The following SLC18B1 variants were observed in gnomAD, a reference collection of about 807,000 sequenced individuals.
The protein encoded by SLC18B1 is MFS-type transporter SLC18B1.
In SLC18B1, 62 loss-of-function variants were observed where a neutral mutation model predicts 53.9. The ratio of observed to expected loss-of-function variants is 1.15; its 90% confidence interval spans 0.94 to 1.42. SLC18B1 has a LOEUF of 1.42. SLC18B1 is among the 40% of genes most tolerant of loss of function. The pLI, the probability that SLC18B1 is intolerant of heterozygous loss-of-function variation, is 0.00. For missense variants in SLC18B1, 598 were observed against 547.3 expected (o/e 1.09, Z -0.93); for synonymous variants, 217 against 200.9 (o/e 1.08, Z -0.68).
In SLC18B1 at chr6:132,770,109, A is replaced by G; in HGVS notation, c.*161T>C. The G allele has an allele frequency of 1.8e-6, 1 of 557,320 alleles. No individual in the cohort carries two copies. 34.5% of individuals were successfully genotyped at this position (557,320 alleles called of 1,614,324 possible). Reference sequence around the variant, plus strand: ...AGCTTTTCAGTATCACAGTAAGTACAGCCCAATACAGGATCATCCAAAAAC... The same window carrying G: ...AGCTTTTCAGTATCACAGTAAGTACGGCCCAATACAGGATCATCCAAAAAC... On this transcript the variant is annotated 3_prime_UTR_variant, in exon 14 of 14. Transcript: ENST00000275227.
chr6:132,773,514 T>A (rs1781029202), intron 9 of SLC18B1, among the ~76,000 whole-genome samples: 1 of 152,216 alleles, frequency 6.6e-6, no homozygotes, highest in Admixed American at 6.5e-5. Context: ...AACACATTTG[T>A]TCCATGTGAG....
intron 5 of SLC18B1, 143 bp downstream of exon 5, chr6:132,787,291 G>A: frequency 1.4e-6 from 1 of 703,196 alleles, no homozygotes; most frequent in Non-Finnish European, 2.1e-6. Flanking sequence ...CTTGCTGCTA[G>A]TCAAACTCGG....
At chr6:132,793,236 T>C (rs1781593937) in intron 2 of SLC18B1, among the ~76,000 whole-genome samples, 1 of 152,160 alleles carries the variant, frequency 6.6e-6, no homozygotes, top group Non-Finnish European at 1.5e-5. Context: ...AAAGGCACTG[T>C]TTTTCCTTTG....
chr6:132,785,719 G>A (rs2114675819), intron 5 of SLC18B1, among the ~76,000 whole-genome samples: 1 of 152,122 alleles, frequency 6.6e-6, no homozygotes, highest in Non-Finnish European at 1.5e-5. Flanking sequence ...TTTCCAGAGT[G>A]TTCCACAGAA....
chr6:132,792,225 C>CAAGAAAGAAAGAAAGAAAGAAAGAA (rs553756627), intron 2 of SLC18B1, among the ~76,000 whole-genome samples: 3 of 44,552 alleles, frequency 6.7e-5, no homozygotes, highest in African/African-American at 1.5e-4. Context: ...AAGACACTGT[C>CAAGAAAGAAAGAAAGAAAGAAAGAA]AGAAAGAAAG....
chr6:132,770,131 A>T lies in SLC18B1; in HGVS notation c.*139T>A, dbSNP rs1780930470. 2 of 672,108 alleles carry T rather than the reference A, an allele frequency of 3.0e-6. No homozygotes were observed. The highest frequency in any genetic ancestry group is 5.2e-6 in the Non-Finnish European group (2 of 381,628). 41.6% of individuals were successfully genotyped at this position (672,108 alleles called of 1,614,324 possible). A position where few individuals can be genotyped will look rare whatever the true frequency, so the allele number is the denominator to read the frequency against. ...TACAGCCCAATACAGGATCATCCAA[A>T]AACACGTTGACACTTCCAAGACACT... On this transcript the variant is annotated 3_prime_UTR_variant, in exon 14 of 14. Coordinates refer to ENST00000275227, the MANE Select transcript of SLC18B1 (RefSeq NM_052831.3).
intron 5 of SLC18B1, among the ~76,000 whole-genome samples, chr6:132,786,738 A>G (rs142594861): frequency 6.6e-6 from 1 of 152,208 alleles, no homozygotes; most frequent in Non-Finnish European, 1.5e-5. Flanking sequence ...CATACCGACT[A>G]TGATATGAAG....
At chr6:132,776,294 A>C in intron 8 of SLC18B1, 34 bp downstream of exon 8, 1 of 1,544,450 alleles carries the variant, frequency 6.5e-7, no homozygotes, top group Non-Finnish European at 8.9e-7. Flanking sequence ...CTAAACATAC[A>C]AAAGTGACTC....
chr6:132,776,180 G>C, intron 8 of SLC18B1, 148 bp downstream of exon 8: 1 of 632,350 alleles, frequency 1.6e-6, no homozygotes, highest in Non-Finnish European at 2.7e-6. Flanking sequence ...CTGACCCTTA[G>C]GGTGATAGAA....
intron 6 of SLC18B1, among the ~76,000 whole-genome samples, chr6:132,780,751 G>C (rs1417555517): frequency 6.6e-6 from 1 of 151,810 alleles, no homozygotes; most frequent in Non-Finnish European, 1.5e-5. Flanking sequence ...TAGTAGAGAC[G>C]GGGTTTCACC....
In SLC18B1 at chr6:132,783,918, T is replaced by C. The variant is rs1376813150; in HGVS notation, c.658+15A>G. On this transcript the variant is annotated intron_variant, in intron 6 of 13. Transcript: ENST00000275227. ...TATTTAAGGTTCTTAAAATGAGTAA[T>C]AAGTGTGGACTTACCGTAATTGGGT... 1.3e-6 allele frequency: 2 copies of C among 1,537,170 alleles called. No individual in the cohort carries two copies. Among genetic ancestry groups the C allele is most frequent in the Non-Finnish European group, 1.7e-6 (2 of 1,146,444 alleles).
At chr6:132,796,303 C>A (rs1297783793) in intron 2 of SLC18B1, among the ~76,000 whole-genome samples, 1 of 141,610 alleles carries the variant, frequency 7.1e-6, no homozygotes, top group African/African-American at 2.7e-5. Flanking sequence ...TGCAGTGAGC[C>A]GAGATCGCGC....
chr6:132,792,293 AAGGAAGGAAGGAAGGAAGGAAGG>A (rs1781560057), intron 2 of SLC18B1, among the ~76,000 whole-genome samples: 10 of 82,290 alleles, frequency 1.2e-4, no homozygotes, highest in African/African-American at 5.2e-4. Context: ...GGAAGAAAGG[AAGGAAGGAAGGAAGGAAGGAAGG>A]AAGGAAGGAA....
At chr6:132,793,434 C>T (rs1369685344) in intron 2 of SLC18B1, among the ~76,000 whole-genome samples, 2 of 152,180 alleles carry the variant, frequency 1.3e-5, no homozygotes, top group African/African-American at 4.8e-5. Flanking sequence ...TCAGCCTTCC[C>T]TCTGCGAGGC....
At chr6:132,780,916 A>C (rs1266196073) in intron 6 of SLC18B1, among the ~76,000 whole-genome samples, 1 of 152,138 alleles carries the variant, frequency 6.6e-6, no homozygotes, top group South Asian at 2.1e-4. Flanking sequence ...ATCTGAGCAC[A>C]TCCTTGATGC....
Position 132,780,660 on chromosome 6 carries a change from C to T in SLC18B1, c.659-1256G>A, listed in dbSNP as rs530491511. Among the ~76,000 whole-genome samples, 10 of 142,598 alleles carry T rather than the reference C, an allele frequency of 7.0e-5. No individual in the cohort carries two copies. The East Asian group carries it at 2.1e-3, about 30-fold the overall frequency. The allele number at this position is 142,598 out of a possible 152,430, so 93.5% of individuals were successfully genotyped here. On this transcript the variant is annotated intron_variant, in intron 6 of 13. Transcript: ENST00000275227. ...CACTGCAACCTCCACCTCCTGGGCT[C>T]AAGCGATTCTCCTGCCTCAGCCTCC...
chr6:132,772,194 A>G lies in SLC18B1; in HGVS notation c.1098T>C (p.Phe366=), dbSNP rs1780994147. The change falls in exon 11 of 14, where the codon TTT becomes TTC. Residue 366 remains phenylalanine (F), a synonymous_variant. Coordinates refer to ENST00000275227, the MANE Select transcript of SLC18B1 (RefSeq NM_052831.3). ...GTCCCAATGTACTTAATCCCTCTTCAAACCCATTTTCACTGCAAAAAGAGA... is the reference window on the plus strand; with the variant it reads ...GTCCCAATGTACTTAATCCCTCTTCGAACCCATTTTCACTGCAAAAAGAGA... ...EILSCAHENG[F]EEGLSTLGLV... 6.4e-7 allele frequency: 1 copy of G among 1,571,480 alleles called. No individual in the cohort carries two copies. Among genetic ancestry groups the G allele is most frequent in the African/African-American group, 1.4e-5 (1 of 71,580 alleles).
chr6:132,772,158 A>T lies in SLC18B1; in HGVS notation c.1134T>A (p.Gly378=). Residue 378 remains glycine, a synonymous_variant, in exon 11 of 14, where the codon GGT becomes GGA. Coordinates refer to ENST00000275227, the MANE Select transcript of SLC18B1 (RefSeq NM_052831.3). The stretch of plus-strand genomic sequence containing the variant: ...CAATTGACCACATTGCACTAAAAAG[A>T]CCTGATACAAGTCCCAATGTACTTA... ...EGLSTLGLVS[G]LFSAMWSIGA... is the part of the protein sequence containing the mutation. 1 of 1,582,256 alleles carries T rather than the reference A, an allele frequency of 6.3e-7. No homozygotes were observed. Among genetic ancestry groups the T allele is most frequent in the Non-Finnish European group, 8.6e-7 (1 of 1,169,386 alleles).
rs1013924276 is a variant in SLC18B1, at chr6:132,785,851, A to C, written c.501+1583T>G. On this transcript the variant is annotated intron_variant, in intron 5 of 13. Coordinates refer to ENST00000275227, the MANE Select transcript of SLC18B1 (RefSeq NM_052831.3). ...CAAAGTGGGAGGATTGCTTGAGGCCAGGTGTTCAAGACCAGCCTGGGCAAC... is the reference window on the plus strand; with the variant it reads ...CAAAGTGGGAGGATTGCTTGAGGCCCGGTGTTCAAGACCAGCCTGGGCAAC... Among the ~76,000 whole-genome samples the C allele has an allele frequency of 5.7e-5, 8 of 140,018 alleles. No individual in the cohort carries two copies. The East Asian group carries it at 1.8e-3, about 31-fold the overall frequency. The allele number at this position is 140,018 out of a possible 152,430, so 91.9% of individuals were successfully genotyped here.
Sources: gnomAD v4.1 joint callset for allele counts (sites outside exome capture counted in the v4.1 genomes callset) on GRCh38, gnomAD v4.1.1 for gene constraint, MANE v1.5 for transcripts, NCBI Gene and HGNC (gene_info 2026-07-23, HGNC 2026-07-21) for gene names.